Variants in ZNF277 observed in about 807,000 individuals in gnomAD.
ZNF277 encodes nuclear receptor-interacting factor 4.
Under a neutral mutation model 60.7 loss-of-function variants are expected in ZNF277, and 55 were observed. That is an observed-to-expected ratio of 0.91 (90% CI 0.73 to 1.13). The LOEUF is 1.13. ZNF277 is among the 50% of genes most tolerant of loss of function. ZNF277 has a pLI of 0.00. For synonymous variants in ZNF277, 178 were observed against 179.3 expected (o/e 0.99, Z 0.06); for missense variants, 510 against 523.0 (o/e 0.98, Z 0.24).
intron 9 of ZNF277, among the ~76,000 whole-genome samples, chr7:112,338,567 A>T (rs1027092570): frequency 6.6e-6 from 1 of 152,126 alleles, no homozygotes; most frequent in African/African-American, 2.4e-5. Context: ...CCAATAGTGG[A>T]CCATATTCTC....
In ZNF277 at chr7:112,327,713, C is replaced by G. The variant is rs779006624; in HGVS notation, c.558-4C>G. On this transcript the variant is annotated splice_polypyrimidine_tract_variant and splice_region_variant and intron_variant, in intron 5 of 11. Coordinates refer to ENST00000361822, the MANE Select transcript of ZNF277 (RefSeq NM_021994.3). ...TAATCCTAATTGCTCAAATTTCTTC[C>G]TAGATCTGTTATTTTGAACCACATG... 1 of 1,608,392 alleles carries G rather than the reference C, an allele frequency of 6.2e-7. No individual in the cohort carries two copies. Among genetic ancestry groups the G allele is most frequent in the Non-Finnish European group, 8.5e-7 (1 of 1,177,186 alleles).
At chr7:112,307,331 G>A (rs1792621307) in intron 4 of ZNF277, among the ~76,000 whole-genome samples, 1 of 152,102 alleles carries the variant, frequency 6.6e-6, no homozygotes, top group Non-Finnish European at 1.5e-5. Context: ...TCTCTTCAGA[G>A]AGGCTAACCA....
At chr7:112,252,082 T>C (rs563752458) in intron 1 of ZNF277, among the ~76,000 whole-genome samples, 5 of 152,378 alleles carry the variant, frequency 3.3e-5, no homozygotes, top group African/African-American at 1.2e-4. Context: ...CCTTTTGGCC[T>C]AACTTTTTTA....
intron 1 of ZNF277, among the ~76,000 whole-genome samples, chr7:112,262,605 C>T (rs1343201222): frequency 6.6e-6 from 1 of 152,020 alleles, no homozygotes; most frequent in Non-Finnish European, 1.5e-5. Context: ...AAAGTTTGTT[C>T]TGTAGCATTG....
chr7:112,291,033 C>T (rs78612041), intron 2 of ZNF277, among the ~76,000 whole-genome samples: 14,949 of 152,092 alleles, frequency 0.098, 845 homozygotes, highest in Middle Eastern at 0.25. Context: ...AGTTTTCATA[C>T]TAAATATATA....
At chr7:112,277,455 T>C (rs59603987) in intron 1 of ZNF277, among the ~76,000 whole-genome samples, 7,719 of 152,216 alleles carry the variant, frequency 0.051, 668 homozygotes, top group African/African-American at 0.18. Flanking sequence ...TTTATATAGT[T>C]TCCCATTGAA....
At chr7:112,235,733 T>C (rs1353995347) in intron 1 of ZNF277, among the ~76,000 whole-genome samples, 1 of 152,086 alleles carries the variant, frequency 6.6e-6, no homozygotes, top group Non-Finnish European at 1.5e-5. Context: ...GATGGTGTCC[T>C]TTGAAGTACA....
intron 6 of ZNF277, among the ~76,000 whole-genome samples, chr7:112,329,562 A>T (rs551017243): frequency 3.7e-4 from 57 of 152,192 alleles, no homozygotes; most frequent in Non-Finnish European, 7.1e-4. Context: ...ATCATTTAAA[A>T]ATCTCTAAAA....
intron 10 of ZNF277, among the ~76,000 whole-genome samples, chr7:112,340,602 A>C (rs1793424513): frequency 6.6e-6 from 1 of 152,164 alleles, no homozygotes; most frequent in Non-Finnish European, 1.5e-5. Context: ...GCAGTTTCCT[A>C]ATATGTAATG....
intron 1 of ZNF277, among the ~76,000 whole-genome samples, chr7:112,256,915 G>A (rs1407678167): frequency 6.6e-6 from 1 of 152,090 alleles, no homozygotes; most frequent in Non-Finnish European, 1.5e-5. Context: ...CAAAACACTG[G>A]GGAAAAGTGG....
In ZNF277 at chr7:112,241,258, G is replaced by C. The variant is rs141309557; in HGVS notation, c.91+34451G>C. ...AAATGCTGAACCAGGTATATGAAAA[G>C]GTACTCAACATAACTGATCATCAGA... On this transcript the variant is annotated intron_variant, in intron 1 of 11. Transcript: ENST00000361822. Among the ~76,000 whole-genome samples, 1,304 of 152,080 alleles carry C rather than the reference G, an allele frequency of 8.6e-3. 10 individuals carry two copies. The highest frequency in any genetic ancestry group is 0.013 in the Non-Finnish European group (883 of 67,936).
intron 4 of ZNF277, among the ~76,000 whole-genome samples, chr7:112,307,924 A>G (rs1003545011): frequency 1.3e-5 from 2 of 151,966 alleles, no homozygotes; most frequent in Admixed American, 1.3e-4. Flanking sequence ...GTATTTGTCT[A>G]CTAAATGAGG....
intron 5 of ZNF277, among the ~76,000 whole-genome samples, chr7:112,319,002 G>A (rs923931627): frequency 2.0e-5 from 3 of 151,974 alleles, no homozygotes; most frequent in Non-Finnish European, 4.4e-5. Flanking sequence ...AATTGGGCAG[G>A]GTCTGAGAGG....
chr7:112,295,289 C>T (rs1190966249), intron 2 of ZNF277, among the ~76,000 whole-genome samples: 1 of 152,172 alleles, frequency 6.6e-6, no homozygotes, highest in African/African-American at 2.4e-5. Context: ...TTGCTTCTAA[C>T]TCTGCTCATT....
chr7:112,332,731 G>GA (rs1793252031), intron 7 of ZNF277, among the ~76,000 whole-genome samples: 1 of 152,000 alleles, frequency 6.6e-6, no homozygotes, highest in South Asian at 2.1e-4. Context: ...AAAACTGTAA[G>GA]AATGATTAAC....
intron 11 of ZNF277, among the ~76,000 whole-genome samples, chr7:112,342,325 G>A (rs369704131): frequency 1.3e-5 from 2 of 152,282 alleles, no homozygotes; most frequent in African/African-American, 4.8e-5. Flanking sequence ...TCTGGAGGGT[G>A]GGAGGTCCAC....
In ZNF277 at chr7:112,287,091, TC is replaced by T; in HGVS notation, c.293+19del. 6.2e-7 allele frequency: 1 copy of T among 1,612,490 alleles called. No individual in the cohort carries two copies. The highest frequency in any genetic ancestry group is 8.5e-7 in the Non-Finnish European group (1 of 1,178,614). On this transcript the variant is annotated intron_variant, in intron 2 of 11. Coordinates refer to ENST00000361822, the MANE Select transcript of ZNF277 (RefSeq NM_021994.3). ...TTTCCAAAGGTAAGTTCTGTTTTTGTCCTTAAAAGAATTAAATTTGACCATG... is the reference window on the plus strand; with the variant it reads ...TTTCCAAAGGTAAGTTCTGTTTTTGTCTTAAAAGAATTAAATTTGACCATG...
chr7:112,296,929 T>TATTA (rs1563219789), intron 4 of ZNF277, among the ~76,000 whole-genome samples: 1 of 89,072 alleles, frequency 1.1e-5, no homozygotes, highest in African/African-American at 3.8e-5. Context: ...TTTTTTTTTT[T>TATTA]TTTTTTTTTT....
intron 1 of ZNF277, among the ~76,000 whole-genome samples, chr7:112,267,356 G>A (rs1791570838): frequency 6.6e-6 from 1 of 152,176 alleles, no homozygotes; most frequent in African/African-American, 2.4e-5. Context: ...ATTTGGTAAA[G>A]CTAGTATCTT....
Sources: allele counts gnomAD v4.1 joint callset (sites outside exome capture counted in the v4.1 genomes callset), GRCh38; gene constraint gnomAD v4.1.1; transcripts MANE v1.5; gene names NCBI Gene and HGNC (gene_info 2026-07-23, HGNC 2026-07-21).